Variants in UNC13C observed in about 807,000 individuals in gnomAD.
UNC13C encodes the protein protein unc-13 homolog C.
A neutral mutation model predicts 245.4 loss-of-function variants in UNC13C; 174 were observed. The ratio of observed to expected loss-of-function variants is 0.71; its 90% CI spans 0.63 to 0.80. The LOEUF is 0.80. Among genes scored for constraint, UNC13C ranks in the 30% least tolerant of loss-of-function variants. UNC13C has a pLI of 0.00. For missense variants in UNC13C, 2,829 were observed against 2,602.9 expected (o/e 1.09, Z -1.89); for synonymous variants, 992 against 895.1 (o/e 1.11, Z -1.93).
chr15:54,120,800 A>C (rs138543928), intron 2 of UNC13C, among the ~76,000 whole-genome samples: 6 of 152,192 alleles, frequency 3.9e-5, no homozygotes, highest in African/African-American at 1.4e-4. Flanking sequence ...TGAGGGGTTC[A>C]AGACTTCAGT....
intron 13 of UNC13C, among the ~76,000 whole-genome samples, chr15:54,302,506 T>C (rs1241735893): frequency 6.6e-6 from 1 of 152,240 alleles, no homozygotes; most frequent in African/African-American, 2.4e-5. Context: ...GCTTTCTGCA[T>C]ATGGCTAGCC....
intron 4 of UNC13C, among the ~76,000 whole-genome samples, chr15:54,197,900 A>G (rs1035114372): frequency 6.6e-6 from 1 of 152,082 alleles, no homozygotes; most frequent in Admixed American, 6.6e-5. Flanking sequence ...TGCATTATCA[A>G]CAAGGAGGCT....
intron 2 of UNC13C, among the ~76,000 whole-genome samples, chr15:54,080,263 A>T (rs905540966): frequency 1.5e-4 from 23 of 151,940 alleles, no homozygotes; most frequent in African/African-American, 5.6e-4. Context: ...TTCATCAAGG[A>T]TACTGACCTA....
At chr15:54,449,254 T>G (rs188693251) in intron 19 of UNC13C, among the ~76,000 whole-genome samples, 8 of 152,300 alleles carry the variant, frequency 5.3e-5, no homozygotes, top group Middle Eastern at 6.8e-3. Flanking sequence ...TTATGTGTCT[T>G]GGAGTTGCTC....
chr15:54,012,043 T>C (rs1895403574), intron 1 of UNC13C, among the ~76,000 whole-genome samples: 1 of 152,230 alleles, frequency 6.6e-6, no homozygotes, highest in African/African-American at 2.4e-5. Context: ...AAACTTTGAG[T>C]TCCTACTAAT....
At chr15:54,045,622 A>C (rs2141042270) in intron 2 of UNC13C, among the ~76,000 whole-genome samples, 1 of 152,294 alleles carries the variant, frequency 6.6e-6, no homozygotes, top group East Asian at 1.9e-4. Context: ...CAATGGGGAG[A>C]GTAGGAGTAG....
chr15:54,058,396 C>T (rs893020239), intron 2 of UNC13C, among the ~76,000 whole-genome samples: 20 of 152,168 alleles, frequency 1.3e-4, no homozygotes, highest in African/African-American at 3.4e-4. Flanking sequence ...CATACACTCT[C>T]CCAAGACTAA....
intron 4 of UNC13C, among the ~76,000 whole-genome samples, chr15:54,208,771 T>A (rs2034791025): frequency 6.6e-6 from 1 of 152,124 alleles, no homozygotes; most frequent in Non-Finnish European, 1.5e-5. Flanking sequence ...TTTAAAAATC[T>A]TATGTATCAC....
At chr15:54,282,292 C>G (rs2037018186) in intron 10 of UNC13C, among the ~76,000 whole-genome samples, 1 of 152,056 alleles carries the variant, frequency 6.6e-6, no homozygotes, top group Non-Finnish European at 1.5e-5. Flanking sequence ...TATATATCAT[C>G]AATTCAATAT....
chr15:54,209,397 T>C (rs567197095), intron 4 of UNC13C, among the ~76,000 whole-genome samples: 1 of 150,750 alleles, frequency 6.6e-6, no homozygotes, highest in Admixed American at 6.7e-5. Flanking sequence ...CTTTACATTT[T>C]AGTGTTTTCT....
intron 2 of UNC13C, among the ~76,000 whole-genome samples, chr15:54,100,018 T>G (rs1900080259): frequency 6.7e-6 from 1 of 150,118 alleles, no homozygotes; most frequent in Middle Eastern, 3.2e-3. Context: ...GAGAATTACT[T>G]GAACCTGGGA....
At chr15:54,462,980 C>T (rs1891939540) in intron 19 of UNC13C, among the ~76,000 whole-genome samples, 1 of 152,026 alleles carries the variant, frequency 6.6e-6, no homozygotes, top group Non-Finnish European at 1.5e-5. Flanking sequence ...CACCAATCAG[C>T]ACTCTGTGTC....
chr15:54,113,825 C>CA (rs564428583), intron 2 of UNC13C, among the ~76,000 whole-genome samples: 19 of 151,648 alleles, frequency 1.3e-4, no homozygotes, highest in Admixed American at 7.2e-4. Context: ...GACTCTCCCT[C>CA]AAAAAAATAA....
At chr15:53,936,410 A>T in the UNC13C span, among the ~76,000 whole-genome samples, 302 of 152,050 alleles carry the variant, frequency 2.0e-3, 4 homozygotes, top group African/African-American at 6.8e-3. Flanking sequence ...AGGGGCAGCC[A>T]CTGTATCTGC....
At chr15:54,399,415 T>G (rs548239084) in intron 18 of UNC13C, among the ~76,000 whole-genome samples, 1 of 151,966 alleles carries the variant, frequency 6.6e-6, no homozygotes, top group East Asian at 1.9e-4. Flanking sequence ...TCATAAAATT[T>G]TACTCATTTT....
At chr15:54,630,167 T>TAAAG (rs1411477197), downstream of UNC13C, 4 of 152,332 alleles carry the variant, frequency 2.6e-5, no homozygotes, top group East Asian at 5.8e-4. Context: ...TACAGGTCTT[T>TAAAG]AAAGATACAC....
chr15:54,233,489 C>T (rs776112641), intron 4 of UNC13C, among the ~76,000 whole-genome samples: 1 of 152,184 alleles, frequency 6.6e-6, no homozygotes, highest in Non-Finnish European at 1.5e-5. Flanking sequence ...TTGATCCTCA[C>T]TTCCAAATAT....
chr15:54,574,971 G>A (rs1243921060), intron 30 of UNC13C, among the ~76,000 whole-genome samples: 2 of 152,090 alleles, frequency 1.3e-5, no homozygotes, highest in East Asian at 3.9e-4. Flanking sequence ...GTCATGTGGA[G>A]ATTTCTCACT....
At chr15:54,483,319 A>G (rs1290878405) in intron 19 of UNC13C, among the ~76,000 whole-genome samples, 1 of 152,170 alleles carries the variant, frequency 6.6e-6, no homozygotes, top group African/African-American at 2.4e-5. Context: ...GAATGCTTAT[A>G]TTCACCTGAA....
Sources: gnomAD v4.1 joint callset for allele counts (sites outside exome capture counted in the v4.1 genomes callset) on GRCh38, gnomAD v4.1.1 for gene constraint, MANE v1.5 for transcripts, NCBI Gene and HGNC (gene_info 2026-07-23, HGNC 2026-07-21) for gene names.